Variants in SYT4 observed in about 807,000 individuals in gnomAD.
SYT4 encodes synaptotagmin 4.
SYT4 carries 7 observed loss-of-function variants against 32.9 expected under a neutral mutation model. That is an observed-to-expected ratio of 0.21 (90% CI 0.12 to 0.40). The LOEUF is 0.40. Among genes scored for constraint, SYT4 ranks in the 10% least tolerant of loss-of-function variants. SYT4 has a pLI of 1.00. For synonymous variants in SYT4, 205 were observed against 186.2 expected, an observed-to-expected ratio of 1.10 and a Z score of -0.82; for missense variants, 480 against 488.0, an observed-to-expected ratio of 0.98 and a Z score of 0.16.
rs1470359767 is a variant in SYT4, at chr18:43,270,121, A to C, written c.*220T>G. On this transcript the variant is annotated 3_prime_UTR_variant, in exon 4 of 4. Transcript: ENST00000255224. The stretch of plus-strand genomic sequence containing the variant: ...ACTGGTAATCTGAAGGAGATATTGA[A>C]TATCTTATGAAAATTTATCCAACTC... The C allele has an allele frequency of 3.6e-6, 2 of 554,200 alleles. No homozygotes were observed. The allele number at this position is 554,200 out of a possible 1,614,324, so 34.3% of individuals were successfully genotyped here. A position where few individuals can be genotyped will look rare whatever the true frequency, so the allele number is the denominator to read the frequency against.
chr18:43,270,279 A>G lies in SYT4; in HGVS notation c.*62T>C. On this transcript the variant is annotated 3_prime_UTR_variant, in exon 4 of 4. Transcript: ENST00000255224. ...TTCCCAAGCTTGCAATCCAATATAGAAAGAAAGAAAATTTCTCCTTGCCTA... is the reference window on the plus strand; with the variant it reads ...TTCCCAAGCTTGCAATCCAATATAGGAAGAAAGAAAATTTCTCCTTGCCTA... The G allele has an allele frequency of 1.3e-6, 2 of 1,546,638 alleles. No homozygotes were observed. Among genetic ancestry groups the G allele is most frequent in the East Asian group, 2.3e-5 (1 of 44,234 alleles).
Position 43,270,080 on chromosome 18 carries a change from T to C in SYT4, c.*261A>G, listed in dbSNP as rs1908578887. ...GCACAGTATTCATAAAATGTCTGACTATTCCTAGTTATATCACTGGTAATC... is the reference window on the plus strand; with the variant it reads ...GCACAGTATTCATAAAATGTCTGACCATTCCTAGTTATATCACTGGTAATC... On this transcript the variant is annotated 3_prime_UTR_variant, in exon 4 of 4. Transcript: ENST00000255224. The C allele has an allele frequency of 4.5e-6, 2 of 446,236 alleles. No individual in the cohort carries two copies. The highest frequency in any genetic ancestry group is 3.9e-5 in the Admixed American group (1 of 25,788). The allele number at this position is 446,236 out of a possible 1,614,324, so 27.6% of individuals were successfully genotyped here. A position where few individuals can be genotyped will look rare whatever the true frequency, so the allele number is the denominator to read the frequency against.
Position 43,277,398 on chromosome 18 carries a change from G to T in SYT4, c.-117C>A. 2 of 1,218,088 alleles carry T rather than the reference G, an allele frequency of 1.6e-6. No individual in the cohort carries two copies. The highest frequency in any genetic ancestry group is 2.4e-6 in the Non-Finnish European group (2 of 836,600). 75.5% of individuals were successfully genotyped at this position (1,218,088 alleles called of 1,614,324 possible). ...TGAAAACAACAGCGCAGAGCCCAGG[G>T]CACCAGCTCCTGGAACAGGGAGGAG... On this transcript the variant is annotated 5_prime_UTR_variant, in exon 1 of 4. Coordinates refer to ENST00000255224, the MANE Select transcript of SYT4 (RefSeq NM_020783.4).
Position 43,277,366 on chromosome 18 carries a change from G to C in SYT4, c.-85C>G. On this transcript the variant is annotated 5_prime_UTR_variant, in exon 1 of 4. Transcript: ENST00000255224. ...GCCTGGATCTCAAGCGCCGGCTTTC[G>C]GAGCGCTGAAAACAACAGCGCAGAG... 3 of 1,567,704 alleles carry C rather than the reference G, an allele frequency of 1.9e-6. No homozygotes were observed. The highest frequency in any genetic ancestry group is 1.8e-6 in the Non-Finnish European group (2 of 1,139,420).
Position 43,274,112 on chromosome 18 carries a change from G to C in SYT4, c.317C>G (p.Pro106Arg). ...ACTGCCAGGTTTGAGGTTGGTTTTG[G>C]GAAAATTGCCATTGAGATCTCTCTT... ...LEKRDLNGNF[P>R]KTNLKPGSPS... Residue 106 changes from proline (P) to arginine (R), a missense_variant, in exon 2 of 4, where the codon CCC becomes CGC. Coordinates refer to ENST00000255224, the MANE Select transcript of SYT4 (RefSeq NM_020783.4). 6.2e-7 allele frequency: 1 copy of C among 1,614,004 alleles called. No individual in the cohort carries two copies. Among genetic ancestry groups the C allele is most frequent in the Non-Finnish European group, 8.5e-7 (1 of 1,179,950 alleles).
At chr18:43,270,676 A>G (rs751852146) in intron 3 of SYT4, 28 bp from the exon 4 acceptor site, 5 of 1,607,418 alleles carry the variant, frequency 3.1e-6, no homozygotes, top group South Asian at 2.2e-5. Flanking sequence ...AGGCATTACA[A>G]TGGCATAACT....
At position 43,268,115 on chromosome 18, in the gene SYT4, T is replaced by G. The variant is rs1908509216; in HGVS notation, c.*2226A>C. ...GAGATTGGCTAATCAGACAAACAAT[T>G]AATTTACATGTTTAATACAGTGCAG... On this transcript the variant is annotated 3_prime_UTR_variant, in exon 4 of 4. Transcript: ENST00000255224. 1 of 152,612 alleles carries G rather than the reference T, an allele frequency of 6.6e-6. No individual in the cohort carries two copies. Among genetic ancestry groups the G allele is most frequent in the Admixed American group, 6.5e-5 (1 of 15,276 alleles). The allele number at this position is 152,612 out of a possible 1,614,324, so 9.5% of individuals were successfully genotyped here.
Position 43,277,388 on chromosome 18 carries a change from A to G in SYT4, c.-107T>C, listed in dbSNP as rs1222075854. The G allele has an allele frequency of 2.2e-6, 3 of 1,353,178 alleles. No individual in the cohort carries two copies. The highest frequency in any genetic ancestry group is 1.4e-5 in the African/African-American group (1 of 69,320). The allele number at this position is 1,353,178 out of a possible 1,614,324, so 83.8% of individuals were successfully genotyped here. A position where few individuals can be genotyped will look rare whatever the true frequency, so the allele number is the denominator to read the frequency against. ...TTCGGAGCGCTGAAAACAACAGCGCAGAGCCCAGGGCACCAGCTCCTGGAA... is the reference window on the plus strand; with the variant it reads ...TTCGGAGCGCTGAAAACAACAGCGCGGAGCCCAGGGCACCAGCTCCTGGAA... On this transcript the variant is annotated 5_prime_UTR_variant, in exon 1 of 4. Transcript: ENST00000255224.
rs2144367947 is a variant in SYT4, at chr18:43,273,956, A to G, written c.473T>C (p.Phe158Ser). Residue 158 changes from phenylalanine to serine, a missense_variant, in exon 2 of 4, where the codon TTC becomes TCC. By Grantham distance (155) the Phe-to-Ser change is radical (BLOSUM62 -2). Transcript: ENST00000255224. ...CTCGAAGTTGTATTCTAAGGAGAAG[A>G]AGAGAGTTCCCAGCTTCTCTTGTTT... ...EEKQEKLGTLFFSLEYNFERK... is the reference protein window; with the variant it reads ...EEKQEKLGTLSFSLEYNFERK... The G allele has an allele frequency of 6.2e-7, 1 of 1,614,010 alleles. No individual in the cohort carries two copies. The highest frequency in any genetic ancestry group is 2.2e-5 in the East Asian group (1 of 44,840).
chr18:43,271,727 C>A lies in SYT4; in HGVS notation c.955G>T (p.Val319Leu), dbSNP rs1460866073. ...GCATTCTTACCTGAAAGTCCGGACA[C>A]ATCAGATTTAGGCAGATGTCGAGCT... Reference protein sequence around the residue: ...LKARHLPKSDVSGLSDPYVKV... With the variant: ...LKARHLPKSDLSGLSDPYVKV... The change falls in exon 3 of 4, where the codon GTG becomes TTG. Residue 319 changes from valine to leucine, a missense_variant. By Grantham distance (32) the Val-to-Leu change is conservative. Transcript: ENST00000255224. The A allele has an allele frequency of 6.2e-7, 1 of 1,612,908 alleles. No individual in the cohort carries two copies. Among genetic ancestry groups the A allele is most frequent in the Non-Finnish European group, 8.5e-7 (1 of 1,179,212 alleles).
chr18:43,268,932 T>C lies in SYT4; in HGVS notation c.*1409A>G, dbSNP rs1423718781. The stretch of plus-strand genomic sequence containing the variant: ...ACAAAACCTGACTCAAAATGTAAAT[T>C]TTTCAGTAGACTTAATTTCTAACTT... On this transcript the variant is annotated 3_prime_UTR_variant, in exon 4 of 4. Coordinates refer to ENST00000255224, the MANE Select transcript of SYT4 (RefSeq NM_020783.4). The C allele has an allele frequency of 6.6e-6, 1 of 152,610 alleles. No homozygotes were observed. The highest frequency in any genetic ancestry group is 2.4e-5 in the African/African-American group (1 of 41,446). The allele number at this position is 152,610 out of a possible 1,614,324, so 9.5% of individuals were successfully genotyped here.
Position 43,273,850 on chromosome 18 carries a change from A to G in SYT4, c.579T>C (p.Tyr193=), listed in dbSNP as rs769227283. The G allele has an allele frequency of 3.1e-6, 5 of 1,614,104 alleles. No individual in the cohort carries two copies. The highest frequency in any genetic ancestry group is 4.2e-6 in the Non-Finnish European group (5 of 1,179,956). The change falls in exon 2 of 4, where the codon TAT becomes TAC. Residue 193 remains tyrosine, a synonymous_variant. Coordinates refer to ENST00000255224, the MANE Select transcript of SYT4 (RefSeq NM_020783.4). ...TCTCTGGGAGGATCGTCATTTTGAT[A>G]TATGGGTCAGAGGTCATCGACTGCT... is the stretch of plus-strand genomic sequence containing the variant. ...MDEQSMTSDP[Y]IKMTILPEKK... is the part of the protein sequence containing the mutation.
chr18:43,270,294 C>T lies in SYT4; in HGVS notation c.*47G>A, dbSNP rs1420018732. On this transcript the variant is annotated 3_prime_UTR_variant, in exon 4 of 4. Coordinates refer to ENST00000255224, the MANE Select transcript of SYT4 (RefSeq NM_020783.4). ...TCCAATATAGAAAGAAAGAAAATTT[C>T]TCCTTGCCTAGTAAAAACCTTTAAG... The T allele has an allele frequency of 1.3e-6, 2 of 1,568,826 alleles. No individual in the cohort carries two copies. Among genetic ancestry groups the T allele is most frequent in the East Asian group, 4.5e-5 (2 of 44,360 alleles).
At chr18:43,271,500 T>C (rs2069842106) in intron 3 of SYT4, among the ~76,000 whole-genome samples, 1 of 152,162 alleles carries the variant, frequency 6.6e-6, no homozygotes, top group Admixed American at 6.6e-5. Flanking sequence ...TTTTAAACTG[T>C]AGCTTATTTT....
Position 43,273,757 on chromosome 18 carries a change from T to C in SYT4, c.672A>G (p.Thr224=), listed in dbSNP as rs1399901401. Residue 224 remains threonine (T), a synonymous_variant, in exon 2 of 4, where the codon ACA becomes ACG. Coordinates refer to ENST00000255224, the MANE Select transcript of SYT4 (RefSeq NM_020783.4). ...TTTGGGTGTAGGGTATCCCATAGAA[T>C]GTAAAGGTCTCATCAAAAGCTGGAT... The part of the protein sequence containing the change: ...TLDPAFDETF[T]FYGIPYTQIQ... 6.2e-7 allele frequency: 1 copy of C among 1,614,020 alleles called. No individual in the cohort carries two copies. The highest frequency in any genetic ancestry group is 8.5e-7 in the Non-Finnish European group (1 of 1,179,932).
chr18:43,273,743 G>A lies in SYT4; in HGVS notation c.686C>T (p.Pro229Leu), dbSNP rs138702438. The A allele has an allele frequency of 7.0e-5, 113 of 1,613,902 alleles. No individual in the cohort carries two copies. The African/African-American group carries it at 1.3e-3, about 19-fold the overall frequency. The change falls in exon 2 of 4, where the codon CCC becomes CTC. Residue 229 changes from proline (P) to leucine (L), a missense_variant. Physicochemically the swap from Pro to Leu is moderately conservative, Grantham distance 98. Transcript: ENST00000255224. ...GGCCAATTCTTGGATTTGGGTGTAG[G>A]GTATCCCATAGAATGTAAAGGTCTC... The part of the protein sequence containing the change: ...FDETFTFYGI[P>L]YTQIQELALH...
Position 43,270,130 on chromosome 18 carries a change from G to T in SYT4, c.*211C>A. The T allele has an allele frequency of 1.8e-6, 1 of 566,260 alleles. No individual in the cohort carries two copies. The highest frequency in any genetic ancestry group is 3.1e-6 in the Non-Finnish European group (1 of 323,536). The allele number at this position is 566,260 out of a possible 1,614,324, so 35.1% of individuals were successfully genotyped here. A position where few individuals can be genotyped will look rare whatever the true frequency, so the allele number is the denominator to read the frequency against. ...CTGAAGGAGATATTGAATATCTTATGAAAATTTATCCAACTCTTCTAATAA... is the reference window on the plus strand; with the variant it reads ...CTGAAGGAGATATTGAATATCTTATTAAAATTTATCCAACTCTTCTAATAA... On this transcript the variant is annotated 3_prime_UTR_variant, in exon 4 of 4. Coordinates refer to ENST00000255224, the MANE Select transcript of SYT4 (RefSeq NM_020783.4).
At chr18:43,272,477 C>T (rs867636857) in intron 2 of SYT4, among the ~76,000 whole-genome samples, 4 of 152,166 alleles carry the variant, frequency 2.6e-5, no homozygotes, top group Non-Finnish European at 2.9e-5. Flanking sequence ...AGTGTCATAG[C>T]GTCCTTCTTT....
At position 43,269,997 on chromosome 18, in the gene SYT4, C is replaced by T. The variant is rs1908576311; in HGVS notation, c.*344G>A. ...ACTTTTCGTTTTTAAATCTTAATCA[C>T]ATTAACTTTTTGTGACATGTTCCAA... On this transcript the variant is annotated 3_prime_UTR_variant, in exon 4 of 4. Transcript: ENST00000255224. 1 of 211,904 alleles carries T rather than the reference C, an allele frequency of 4.7e-6. No homozygotes were observed. The highest frequency in any genetic ancestry group is 9.4e-6 in the Non-Finnish European group (1 of 105,848). 13.1% of individuals were successfully genotyped at this position (211,904 alleles called of 1,614,324 possible). A position where few individuals can be genotyped will look rare whatever the true frequency, so the allele number is the denominator to read the frequency against.
Sources: allele counts gnomAD v4.1 joint callset (sites outside exome capture counted in the v4.1 genomes callset), GRCh38; gene constraint gnomAD v4.1.1; transcripts MANE v1.5; gene names NCBI Gene and HGNC (gene_info 2026-07-23, HGNC 2026-07-21).